The following LRRC7 variants were observed in gnomAD, a reference collection of about 807,000 sequenced individuals.
The protein encoded by LRRC7 is leucine-rich repeat-containing protein 7.
Under a neutral mutation model 175.7 loss-of-function variants are expected in LRRC7, and 23 were observed. That is an observed-to-expected ratio of 0.13 (90% CI 0.09 to 0.19). The LOEUF is 0.19. Among genes scored for constraint, LRRC7 ranks in the 10% least tolerant of loss-of-function variants. LRRC7 has a pLI of 1.00. For missense variants in LRRC7, 1,354 were observed against 1,904.7 expected (o/e 0.71, Z 5.38); for synonymous variants, 685 against 680.9 (o/e 1.01, Z -0.09).
intron 2 of LRRC7, among the ~76,000 whole-genome samples, chr1:69,742,269 T>A (rs952349965): frequency 4.6e-5 from 7 of 152,016 alleles, no homozygotes; most frequent in African/African-American, 1.7e-4. Flanking sequence ...TTTAGGACAC[T>A]TATTGGTTTG....
chr1:69,632,608 G>A (rs1049978830), intron 1 of LRRC7, among the ~76,000 whole-genome samples: 2 of 151,808 alleles, frequency 1.3e-5, no homozygotes, highest in African/African-American at 4.8e-5. Context: ...TCTTCTCATA[G>A]TGTTTTGCCC....
intron 24 of LRRC7, among the ~76,000 whole-genome samples, chr1:70,078,800 GCGCGCGCGCGCACACACACACACGCA>G (rs1221912130): frequency 2.0e-5 from 2 of 102,548 alleles, no homozygotes; most frequent in African/African-American, 1.2e-4. Context: ...ATACGCGCGC[GCGCGCGCGCGCACACACACACACGCA>G]CACACACACA....
intron 2 of LRRC7, among the ~76,000 whole-genome samples, chr1:69,710,164 A>T (rs1016416220): frequency 6.7e-6 from 1 of 150,358 alleles, no homozygotes; most frequent in African/African-American, 2.4e-5. Flanking sequence ...TGTAGTCCCA[A>T]GGTACTTGGG....
At chr1:69,852,600 C>A (rs116011959) in intron 7 of LRRC7, among the ~76,000 whole-genome samples, 560 of 152,206 alleles carry the variant, frequency 3.7e-3, no homozygotes, top group Middle Eastern at 0.014. Context: ...GTTTTAGTAT[C>A]TTTTGCTTTT....
chr1:69,649,678 C>T (rs912467130), intron 1 of LRRC7, among the ~76,000 whole-genome samples: 1 of 152,140 alleles, frequency 6.6e-6, no homozygotes, highest in Non-Finnish European at 1.5e-5. Context: ...AAATGACTCC[C>T]CTTCCTCCAT....
chr1:70,087,389 T>A (rs1663692933), intron 24 of LRRC7, among the ~76,000 whole-genome samples: 1 of 152,168 alleles, frequency 6.6e-6, no homozygotes, highest in Admixed American at 6.6e-5. Context: ...ATTAGAAAGA[T>A]ATAACCCCAA....
intron 22 of LRRC7, among the ~76,000 whole-genome samples, chr1:70,049,536 C>T (rs147552009): frequency 8.6e-4 from 131 of 152,194 alleles, no homozygotes; most frequent in African/African-American, 3.1e-3. Context: ...AAGAAAGATT[C>T]ACTTACCTTT....
intron 2 of LRRC7, among the ~76,000 whole-genome samples, chr1:69,710,482 A>G (rs1664629631): frequency 6.6e-6 from 1 of 152,054 alleles, no homozygotes; most frequent in Non-Finnish European, 1.5e-5. Context: ...AGATGGGTGC[A>G]TGTTTAAAGG....
At chr1:70,068,363 G>A (rs943209647) in intron 23 of LRRC7, among the ~76,000 whole-genome samples, 6 of 152,062 alleles carry the variant, frequency 3.9e-5, no homozygotes, top group Non-Finnish European at 7.4e-5. Flanking sequence ...ATATGATCAC[G>A]ATTTTTCTTC....
At chr1:69,833,036 C>T (rs61784021) in intron 5 of LRRC7, among the ~76,000 whole-genome samples, 14,247 of 147,422 alleles carry the variant, frequency 0.097, 1,548 homozygotes, top group African/African-American at 0.27. Context: ...ACCTGGGAGG[C>T]GGAGGTTGCA....
chr1:70,142,354 G>A lies in LRRC7; in HGVS notation c.*20467G>A, dbSNP rs1284150450. 1.3e-5 allele frequency: 2 copies of A among 152,004 alleles called. No homozygotes were observed. The highest frequency in any genetic ancestry group is 2.4e-5 in the African/African-American group (1 of 41,404). The allele number at this position is 152,004 out of a possible 1,614,324, so 9.4% of individuals were successfully genotyped here. The stretch of plus-strand genomic sequence containing the variant: ...GAATGCAATGAATGCTTAATACTTC[G>A]GCTTTATAATGTTTGGGCATTTCTC... On this transcript the variant is annotated 3_prime_UTR_variant, in exon 27 of 27. Coordinates refer to ENST00000651989, the MANE Select transcript of LRRC7 (RefSeq NM_001370785.2).
intron 1 of LRRC7, among the ~76,000 whole-genome samples, chr1:69,570,610 G>A (rs576596049): frequency 4.6e-5 from 7 of 152,056 alleles, no homozygotes; most frequent in Admixed American, 4.6e-4. Flanking sequence ...CTCCGTCCAG[G>A]CTTCCTTGAA....
rs1343157444 is a variant in LRRC7, at chr1:69,949,138, G to GAA, written c.711+17579_711+17580dup. ...TAGTTACAAAAGTAGTTGTAATAAA[G>GAA]AAAAAAAAAAAAGGAAAAAGAATGT... On this transcript the variant is annotated intron_variant, in intron 8 of 26. Transcript: ENST00000651989. 1.0e-3 allele frequency among the ~76,000 whole-genome samples: 133 copies of GAA among 133,384 alleles called. 2 individuals are homozygous for GAA. Among genetic ancestry groups the GAA allele is most frequent in the African/African-American group, 3.4e-3 (123 of 36,500 alleles). 87.5% of individuals were successfully genotyped at this position (133,384 alleles called of 152,430 possible).
intron 7 of LRRC7, among the ~76,000 whole-genome samples, chr1:69,839,531 A>G (rs1396758717): frequency 3.9e-5 from 6 of 152,096 alleles, no homozygotes. Context: ...TCAAGTGGAA[A>G]TTTCCTGCAA....
chr1:69,777,325 A>C (rs1672924164), intron 3 of LRRC7, among the ~76,000 whole-genome samples: 1 of 152,234 alleles, frequency 6.6e-6, no homozygotes, highest in Non-Finnish European at 1.5e-5. Context: ...AGGGAGGCCA[A>C]GAAAGGCAAG....
chr1:69,994,686 G>A, intron 11 of LRRC7, 53 bp downstream of exon 11: 1 of 1,186,896 alleles, frequency 8.4e-7, no homozygotes, highest in South Asian at 1.3e-5. Context: ...GAAACTAAAG[G>A]ATATATTGAG....
chr1:69,827,834 G>A (rs1036546039), intron 5 of LRRC7, among the ~76,000 whole-genome samples: 1 of 151,884 alleles, frequency 6.6e-6, no homozygotes, highest in East Asian at 1.9e-4. Flanking sequence ...GTGAGACCCT[G>A]TCTCAAAAAA....
chr1:69,766,953 G>A (rs534164698), intron 3 of LRRC7, among the ~76,000 whole-genome samples: 1 of 152,216 alleles, frequency 6.6e-6, no homozygotes, highest in Non-Finnish European at 1.5e-5. Flanking sequence ...TATTTTCACA[G>A]AATTGCACAG....
intron 7 of LRRC7, among the ~76,000 whole-genome samples, chr1:69,922,216 G>A (rs557064429): frequency 9.9e-5 from 15 of 152,192 alleles, no homozygotes; most frequent in Middle Eastern, 3.4e-3. Flanking sequence ...ATGAGCCACC[G>A]TGCCCGGCAC....
Sources: gnomAD v4.1 joint callset for allele counts (sites outside exome capture counted in the v4.1 genomes callset) on GRCh38, gnomAD v4.1.1 for gene constraint, MANE v1.5 for transcripts, NCBI Gene and HGNC (gene_info 2026-07-23, HGNC 2026-07-21) for gene names.